The following ZNF804A variants were observed in gnomAD, a reference collection of about 807,000 sequenced individuals.
The protein encoded by ZNF804A is zinc finger protein 804A.
A neutral mutation model predicts 16.5 loss-of-function variants in ZNF804A; 2 were observed. That is an observed-to-expected ratio of 0.12 (90% CI 0.05 to 0.38). The LOEUF is 0.38. Among genes scored for constraint, ZNF804A ranks in the 10% least tolerant of loss-of-function variants. ZNF804A has a pLI of 0.99. For missense variants in ZNF804A, 1,473 were observed against 1,390.7 expected, an observed-to-expected ratio of 1.06 and a Z score of -0.94; for synonymous variants, 534 against 489.6, an observed-to-expected ratio of 1.09 and a Z score of -1.20.
rs981919908 is a variant in ZNF804A, at chr2:184,724,449, A to G, written c.111+125379A>G. 1.1e-4 allele frequency among the ~76,000 whole-genome samples: 16 copies of G among 141,586 alleles called. No homozygotes were observed. The South Asian group carries it at 2.5e-3, about 22-fold the overall frequency. 92.9% of individuals were successfully genotyped at this position (141,586 alleles called of 152,430 possible). A position where few individuals can be genotyped will look rare whatever the true frequency, so the allele number is the denominator to read the frequency against. The stretch of plus-strand genomic sequence containing the variant: ...ATGGATGTGATATGATTATCTAAAA[A>G]TGAAGACAGGCAAAGAATCAGAGAG... On this transcript the variant is annotated intron_variant, in intron 1 of 3. Transcript: ENST00000302277.
intron 1 of ZNF804A, among the ~76,000 whole-genome samples, chr2:184,773,442 G>C (rs1032269468): frequency 2.6e-5 from 4 of 151,912 alleles, no homozygotes; most frequent in Non-Finnish European, 5.9e-5. Context: ...ACAATGGTCA[G>C]GAAGGGAAAC....
At chr2:184,852,106 T>C (rs1695613173) in intron 1 of ZNF804A, among the ~76,000 whole-genome samples, 1 of 151,810 alleles carries the variant, frequency 6.6e-6, no homozygotes, top group African/African-American at 2.4e-5. Context: ...AATTTATGAT[T>C]GAAAATACAG....
intron 1 of ZNF804A, among the ~76,000 whole-genome samples, chr2:184,712,003 A>G (rs1693136587): frequency 6.6e-6 from 1 of 151,734 alleles, no homozygotes; most frequent in African/African-American, 2.4e-5. Flanking sequence ...TCTGTAAGAA[A>G]TGCATTAGTA....
At position 184,937,843 on chromosome 2, in the gene ZNF804A, G is replaced by T. The variant is rs200249743; in HGVS notation, c.2447G>T (p.Arg816Ile). The T allele has an allele frequency of 6.2e-7, 1 of 1,614,130 alleles. No individual in the cohort carries two copies. Among genetic ancestry groups the T allele is most frequent in the East Asian group, 2.2e-5 (1 of 44,884 alleles). ...CCTAAAAAGAAACGGAGGCGAAAAA[G>T]AGGCAGATTCCACCCCGGATTTGAA... ...CKPKKKRRRK[R>I]GRFHPGFETL... The change falls in exon 4 of 4, where the codon AGA becomes ATA. Residue 816 changes from arginine to isoleucine, a missense_variant. Transcript: ENST00000302277.
intron 2 of ZNF804A, among the ~76,000 whole-genome samples, chr2:184,881,010 T>C (rs1484621429): frequency 6.6e-6 from 1 of 152,062 alleles, no homozygotes; most frequent in Non-Finnish European, 1.5e-5. Flanking sequence ...CCAAGAATTC[T>C]AAGCAATAAA....
At chr2:184,646,893 A>G (rs1212367917) in intron 1 of ZNF804A, among the ~76,000 whole-genome samples, 1 of 152,172 alleles carries the variant, frequency 6.6e-6, no homozygotes, top group East Asian at 1.9e-4. Context: ...AGCTCTACTC[A>G]TCTTGGCCCC....
chr2:184,602,922 A>G (rs1327769049), intron 1 of ZNF804A, among the ~76,000 whole-genome samples: 1 of 152,092 alleles, frequency 6.6e-6, no homozygotes, highest in Non-Finnish European at 1.5e-5. Flanking sequence ...GTATTGTGTT[A>G]TCTGTTTGGT....
intron 1 of ZNF804A, among the ~76,000 whole-genome samples, chr2:184,771,059 A>G (rs944333607): frequency 3.9e-5 from 6 of 152,078 alleles, no homozygotes; most frequent in Non-Finnish European, 8.8e-5. Context: ...TAATTTACAC[A>G]GTGGTATGCC....
intron 1 of ZNF804A, among the ~76,000 whole-genome samples, chr2:184,645,694 G>T (rs1332910753): frequency 6.6e-6 from 1 of 152,130 alleles, no homozygotes. Flanking sequence ...CAAAGATGGG[G>T]GATTAGAGGC....
At chr2:184,849,999 T>C (rs898699541) in intron 1 of ZNF804A, among the ~76,000 whole-genome samples, 56 of 152,044 alleles carry the variant, frequency 3.7e-4, no homozygotes, top group African/African-American at 1.3e-3. Context: ...CTCACTCATA[T>C]GTAGAACCTA....
chr2:184,647,707 G>T (rs1055909701), intron 1 of ZNF804A, among the ~76,000 whole-genome samples: 1 of 152,056 alleles, frequency 6.6e-6, no homozygotes, highest in East Asian at 1.9e-4. Flanking sequence ...TTTTTAAAAA[G>T]AATAAATTCT....
intron 1 of ZNF804A, among the ~76,000 whole-genome samples, chr2:184,633,165 G>A (rs1691640735): frequency 6.6e-6 from 1 of 152,098 alleles, no homozygotes; most frequent in South Asian, 2.1e-4. Flanking sequence ...ACTCTGCATT[G>A]CTATTCCCAA....
intron 2 of ZNF804A, among the ~76,000 whole-genome samples, chr2:184,886,461 C>T (rs1009134690): frequency 6.6e-6 from 1 of 152,192 alleles, no homozygotes; most frequent in Admixed American, 6.5e-5. Context: ...CCTCCTCTCA[C>T]AGCTCCACTA....
intron 1 of ZNF804A, among the ~76,000 whole-genome samples, chr2:184,802,873 G>T (rs536772987): frequency 1.9e-4 from 29 of 152,228 alleles, no homozygotes; most frequent in Admixed American, 5.2e-4. Context: ...TCAAAAGGAT[G>T]AACTTTGTAC....
At chr2:184,653,035 CAATT>C (rs926742752) in intron 1 of ZNF804A, among the ~76,000 whole-genome samples, 4 of 152,164 alleles carry the variant, frequency 2.6e-5, no homozygotes, top group African/African-American at 4.8e-5. Flanking sequence ...AACTGTGAGT[CAATT>C]AAACCTCTTT....
chr2:184,689,944 G>T (rs1692703642), intron 1 of ZNF804A, among the ~76,000 whole-genome samples: 1 of 151,554 alleles, frequency 6.6e-6, no homozygotes, highest in African/African-American at 2.4e-5. Flanking sequence ...CCTTTTCCTT[G>T]GAATTATATA....
rs2105830627 is a variant in ZNF804A, at chr2:184,908,594, A to G, written c.256-25009A>G. Among the ~76,000 whole-genome samples, 2 of 152,254 alleles carry G rather than the reference A, an allele frequency of 1.3e-5. 1 individual carries two copies. Among genetic ancestry groups the G allele is most frequent in the Middle Eastern group, 6.8e-3 (2 of 294 alleles). ...ATGGGTTAGAATTATAAGATAGCTA[A>G]TTATCAATAGGTTTATTCAATATTA... On this transcript the variant is annotated intron_variant, in intron 2 of 3. Coordinates refer to ENST00000302277, the MANE Select transcript of ZNF804A (RefSeq NM_194250.2).
At chr2:184,707,071 T>C (rs1487726403) in intron 1 of ZNF804A, among the ~76,000 whole-genome samples, 1 of 152,190 alleles carries the variant, frequency 6.6e-6, no homozygotes, top group Non-Finnish European at 1.5e-5. Flanking sequence ...CTGCCAATTG[T>C]CTACTGCTTT....
intron 1 of ZNF804A, among the ~76,000 whole-genome samples, chr2:184,793,917 C>A (rs905065471): frequency 1.3e-5 from 2 of 152,118 alleles, no homozygotes; most frequent in African/African-American, 4.8e-5. Context: ...CTTTCTATGG[C>A]TGAGTAGTAT....
Sources: gnomAD v4.1 joint callset for allele counts (sites outside exome capture counted in the v4.1 genomes callset) on GRCh38, gnomAD v4.1.1 for gene constraint, MANE v1.5 for transcripts, NCBI Gene and HGNC (gene_info 2026-07-23, HGNC 2026-07-21) for gene names.